Variants in PCDHGB3 observed in about 807,000 individuals in gnomAD.
PCDHGB3 encodes protocadherin gamma subfamily B, 3, also known as protocadherin gamma-B3.
A neutral mutation model predicts 59.2 loss-of-function variants in PCDHGB3; 40 were observed. That is an observed-to-expected ratio of 0.68 (90% CI 0.52 to 0.88). The LOEUF (loss-of-function observed/expected upper bound fraction) is 0.88, where lower values mean the gene tolerates loss of function less well. PCDHGB3 is among the 40% of genes least tolerant of loss of function. The pLI, the probability that PCDHGB3 is intolerant of heterozygous loss-of-function variation, is 0.00. For synonymous variants in PCDHGB3, 581 were observed against 503.6 expected, an observed-to-expected ratio of 1.15 and a Z score of -2.06; for missense variants, 1,309 against 1,187.9, an observed-to-expected ratio of 1.10 and a Z score of -1.50.
rs375516156 is a variant in PCDHGB3 at position 141,510,311 on chromosome 5, C to G, written c.2564-636C>G. Among the ~76,000 whole-genome samples, 70 of 151,056 alleles carry G rather than the reference C, an allele frequency of 4.6e-4. No homozygotes were observed. The South Asian group carries it at 0.014, about 31-fold the overall frequency. On this transcript the variant is annotated intron_variant, in intron 3 of 3. Transcript: ENST00000576222. The stretch of plus-strand genomic sequence containing the variant: ...AAAAAATGCTGTTTTGAAATGGAGG[C>G]TTGGAAGAGCACTCTTCACCCCCAC...
intron 1 of PCDHGB3, chr5:141,441,746 C>A: frequency 5.4e-6 from 2 of 371,314 alleles, no homozygotes; most frequent in East Asian, 9.8e-5. Flanking sequence ...TCGCGCTCGG[C>A]GTCAACGTGA....
chr5:141,486,734 C>G lies in PCDHGB3; in HGVS notation c.2416-8073C>G, dbSNP rs2099634292. On this transcript the variant is annotated intron_variant, in intron 1 of 3. Transcript: ENST00000576222. This position sits in a 1 kb window ranked among gnomAD's most constrained non-coding sequence, Gnocchi z 5.0. ...CCAGACAGGAGCTGTTCATGCTACT[C>G]GATCCTTTGACTATGAGCAAACCCA... 6.2e-7 allele frequency: 1 copy of G among 1,614,070 alleles called. No individual in the cohort carries two copies. The highest frequency in any genetic ancestry group is 1.7e-5 in the Admixed American group (1 of 60,000).
intron 1 of PCDHGB3, among the ~76,000 whole-genome samples, chr5:141,452,760 G>A (rs920853226): frequency 3.3e-5 from 5 of 152,120 alleles, no homozygotes; most frequent in Non-Finnish European, 7.4e-5. Context: ...AAGGAAGGGA[G>A]GGAGGGAAAA....
Position 141,400,574 on chromosome 5 carries a change from T to A in PCDHGB3, c.2415+27765T>A, listed in dbSNP as rs1589419530. On this transcript the variant is annotated intron_variant, in intron 1 of 3. Transcript: ENST00000576222. ...TTTTCATTACCCACCCAATTTTCTG[T>A]ATTTACATGAAACTATCGTACATTT... 3 of 1,612,232 alleles carry A rather than the reference T, an allele frequency of 1.9e-6. No individual in the cohort carries two copies. In the Middle Eastern group the frequency reaches 4.9e-4, roughly 266 times the overall value.
Position 141,371,062 on chromosome 5 carries a change from G to C in PCDHGB3, c.668G>C (p.Ser223Thr). 6.2e-7 allele frequency: 1 copy of C among 1,613,974 alleles called. No individual in the cohort carries two copies. The highest frequency in any genetic ancestry group is 1.3e-5 in the African/African-American group (1 of 75,066). Residue 223 changes from serine (S) to threonine (T), a missense_variant, in exon 1 of 4, where the codon AGC (serine) becomes ACC (threonine). Transcript: ENST00000576222. Reference protein sequence around the residue: ...TAVDGGEPSRSCTTQIRVIVA... With the variant: ...TAVDGGEPSRTCTTQIRVIVA... ...GTGGATGGGGGCGAGCCCTCCAGAAGCTGTACCACCCAGATCAGGGTAATT... is the reference window on the plus strand; with the variant it reads ...GTGGATGGGGGCGAGCCCTCCAGAACCTGTACCACCCAGATCAGGGTAATT...
At position 141,505,390 on chromosome 5, in the gene PCDHGB3, C is replaced by T; in HGVS notation, c.2475-3C>T. On this transcript the variant is annotated splice_polypyrimidine_tract_variant and splice_region_variant and intron_variant, in intron 2 of 3. Coordinates refer to ENST00000576222, the MANE Select transcript of PCDHGB3 (RefSeq NM_018924.5). ...TGTGCTCACCATCCTACTCTCTCCCCAGCTCCCAAAATGGCGATGACACCG... is the reference window on the plus strand; with the variant it reads ...TGTGCTCACCATCCTACTCTCTCCCTAGCTCCCAAAATGGCGATGACACCG... The T allele has an allele frequency of 6.2e-7, 1 of 1,614,130 alleles. No individual in the cohort carries two copies.
Position 141,371,929 on chromosome 5 carries a change from G to A in PCDHGB3, c.1535G>A (p.Gly512Glu). ...TACGTGTCCGTGAGCGCGCGGAGCG[G>A]GGTGGTGTTCGCGCAGCGAGCCTTC... ...SSYVSVSARS[G>E]VVFAQRAFDH... is the part of the protein sequence containing the mutation. Residue 512 changes from glycine to glutamate, a missense_variant, in exon 1 of 4, where the codon GGG becomes GAG. Gly to Glu is a moderately conservative substitution (Grantham distance 98). Coordinates refer to ENST00000576222, the MANE Select transcript of PCDHGB3 (RefSeq NM_018924.5). The A allele has an allele frequency of 6.2e-7, 1 of 1,613,366 alleles. No individual in the cohort carries two copies. The highest frequency in any genetic ancestry group is 1.1e-5 in the South Asian group (1 of 91,086).
chr5:141,419,748 G>T, intron 1 of PCDHGB3: 1 of 1,613,872 alleles, frequency 6.2e-7, no homozygotes, highest in Non-Finnish European at 8.5e-7. Flanking sequence ...CGCATGGTGC[G>T]TGCTTTGGGT....
chr5:141,377,529 G>A (rs1774089651), intron 1 of PCDHGB3: 1 of 151,890 alleles, frequency 6.6e-6, no homozygotes, highest in African/African-American at 2.4e-5. Flanking sequence ...CCAGGGGTAT[G>A]AGGCTGCAGT....
At chr5:141,410,698 C>G in intron 1 of PCDHGB3, 1 of 1,482,836 alleles carries the variant, frequency 6.7e-7, no homozygotes, top group Non-Finnish European at 9.0e-7. Context: ...ACTTTATTTT[C>G]ATATCTAGAA....
intron 1 of PCDHGB3, among the ~76,000 whole-genome samples, chr5:141,447,104 A>G (rs1212797996): frequency 2.0e-5 from 3 of 151,958 alleles, no homozygotes; most frequent in African/African-American, 7.3e-5. Flanking sequence ...TCACATGATT[A>G]TATGTGCTCC....
At chr5:141,456,342 G>A (rs1439003615) in intron 1 of PCDHGB3, among the ~76,000 whole-genome samples, 1 of 152,114 alleles carries the variant, frequency 6.6e-6, no homozygotes, top group African/African-American at 2.4e-5. Context: ...AAGGGTCCTC[G>A]GAAGAATGGC....
rs57426385 is a variant in PCDHGB3 at position 141,415,740 on chromosome 5, G to GTTTTT, written c.2415+42959_2415+42963dup. 865 of 624,308 alleles carry GTTTTT rather than the reference G, an allele frequency of 1.4e-3. 3 individuals carry two copies. Among genetic ancestry groups the GTTTTT allele is most frequent in the South Asian group, 2.2e-3 (75 of 34,868 alleles). The allele number at this position is 624,308 out of a possible 1,614,324, so 38.7% of individuals were successfully genotyped here. A position where few individuals can be genotyped will look rare whatever the true frequency, so the allele number is the denominator to read the frequency against. ...TGAGTAGAATTTGATGTTTATTAAG[G>GTTTTT]TTTTTTTTTTTTTTTTTTTTTTTTT... is the stretch of plus-strand genomic sequence containing the variant. On this transcript the variant is annotated intron_variant, in intron 1 of 3. Transcript: ENST00000576222.
In PCDHGB3 at chr5:141,476,802, C is replaced by T; in HGVS notation, c.2416-18005C>T. 2 of 1,613,638 alleles carry T rather than the reference C, an allele frequency of 1.2e-6. No homozygotes were observed. The highest frequency in any genetic ancestry group is 1.7e-6 in the Non-Finnish European group (2 of 1,180,020). On this transcript the variant is annotated intron_variant, in intron 1 of 3. Coordinates refer to ENST00000576222, the MANE Select transcript of PCDHGB3 (RefSeq NM_018924.5). The surrounding 1 kb of genome is among the most constrained non-coding windows in gnomAD (Gnocchi z 7.6). ...ACCCCAGCTCTCTCCGCCAGCCTGC[C>T]TATTCACATCAAGGTGCTGGACGCG... is the stretch of plus-strand genomic sequence containing the variant.
chr5:141,414,950 T>C (rs1017858929), intron 1 of PCDHGB3: 2 of 1,613,912 alleles, frequency 1.2e-6, no homozygotes, highest in African/African-American at 2.7e-5. Context: ...GGCTACCTGG[T>C]GACCAAGGTG....
At chr5:141,464,131 G>C (rs982496493) in intron 1 of PCDHGB3, among the ~76,000 whole-genome samples, 19 of 152,056 alleles carry the variant, frequency 1.2e-4, no homozygotes, top group Admixed American at 2.0e-4. Flanking sequence ...TGGGTGTGGT[G>C]GTGGGCGCCT....
intron 1 of PCDHGB3, among the ~76,000 whole-genome samples, chr5:141,480,272 G>T (rs903112862): frequency 7.2e-6 from 1 of 138,796 alleles, no homozygotes; most frequent in Non-Finnish European, 1.5e-5. Flanking sequence ...TTCATTAGCT[G>T]GGTGTGTTGG....
At position 141,489,193 on chromosome 5, in the gene PCDHGB3, G is replaced by A; in HGVS notation, c.2416-5614G>A. The A allele has an allele frequency of 2.2e-6, 3 of 1,369,230 alleles. No individual in the cohort carries two copies. Among genetic ancestry groups the A allele is most frequent in the Non-Finnish European group, 3.0e-6 (3 of 1,000,290 alleles). 84.8% of individuals were successfully genotyped at this position (1,369,230 alleles called of 1,614,324 possible). On this transcript the variant is annotated intron_variant, in intron 1 of 3. Coordinates refer to ENST00000576222, the MANE Select transcript of PCDHGB3 (RefSeq NM_018924.5). The surrounding 1 kb of genome is among the most constrained non-coding windows in gnomAD (Gnocchi z 4.5). ...GCATTCCAAGCCCTGGGTCTACCTT[G>A]GAGACAGGACAGCACAGACTTACTC...
chr5:141,489,597 A>T lies in PCDHGB3; in HGVS notation c.2416-5210A>T. The T allele has an allele frequency of 6.2e-7, 1 of 1,614,100 alleles. No individual in the cohort carries two copies. Among genetic ancestry groups the T allele is most frequent in the African/African-American group, 1.3e-5 (1 of 75,040 alleles). ...AACACCCCCTGGAGCTAATCCGTGT[A>T]GAGGTAGAGATCCTGGATCTCAATG... On this transcript the variant is annotated intron_variant, in intron 1 of 3. Transcript: ENST00000576222. The surrounding 1 kb of genome is among the most constrained non-coding windows in gnomAD (Gnocchi z 4.5).
Sources: gnomAD v4.1 joint callset for allele counts (sites outside exome capture counted in the v4.1 genomes callset) on GRCh38, gnomAD v4.1.1 for gene constraint, Gnocchi (gnomAD v3.1) non-coding constraint, MANE v1.5 for transcripts, NCBI Gene and HGNC (gene_info 2026-07-23, HGNC 2026-07-21) for gene names.